SEPTIN7: variants seen among roughly 807,000 people sequenced by gnomAD.
SEPTIN7 encodes septin-7.
Under a neutral mutation model 63.3 loss-of-function variants are expected in SEPTIN7, and 10 were observed. The observed-to-expected ratio is 0.16, with a 90% confidence interval of 0.10 to 0.27. The LOEUF (loss-of-function observed/expected upper bound fraction) is 0.27. SEPTIN7 is among the 10% of genes least tolerant of loss of function. The pLI, the probability that SEPTIN7 is intolerant of heterozygous loss-of-function variation, is 1.00. For synonymous variants in SEPTIN7, 131 were observed against 165.3 expected, an observed-to-expected ratio of 0.79 and a Z score of 1.59; for missense variants, 310 against 521.0, an observed-to-expected ratio of 0.59 and a Z score of 3.94.
intron 5 of SEPTIN7, 118 bp downstream of exon 5, chr7:35,872,884 A>C (rs1786240694): frequency 4.3e-6 from 3 of 690,568 alleles, no homozygotes; most frequent in Admixed American, 4.8e-5. Context: ...AACTTCAAGC[A>C]ACATGACTTG....
chr7:35,801,400 G>A, intron 1 of SEPTIN7, 130 bp downstream of exon 1: 2 of 1,189,180 alleles, frequency 1.7e-6, no homozygotes, highest in Admixed American at 3.8e-5. Flanking sequence ...GAGCCGGGAT[G>A]GGGGCCACTG....
intron 12 of SEPTIN7, 81 bp from the exon 13 acceptor site, chr7:35,902,995 T>C: frequency 6.8e-7 from 1 of 1,463,094 alleles, no homozygotes; most frequent in Non-Finnish European, 9.0e-7. Flanking sequence ...ATACTCCTTA[T>C]CATTAGGGTG....
chr7:35,881,946 C>T (rs548314456), intron 7 of SEPTIN7, among the ~76,000 whole-genome samples: 1 of 152,080 alleles, frequency 6.6e-6, no homozygotes, highest in Non-Finnish European at 1.5e-5. Flanking sequence ...CCTAATCTTA[C>T]ACCTGTTGCT....
chr7:35,857,530 T>C (rs564912842), intron 3 of SEPTIN7, among the ~76,000 whole-genome samples: 3 of 152,314 alleles, frequency 2.0e-5, no homozygotes, highest in African/African-American at 7.2e-5. Flanking sequence ...GGAATTGAAT[T>C]AGAAAGCTTT....
chr7:35,841,846 C>T (rs1396364642), intron 3 of SEPTIN7, among the ~76,000 whole-genome samples: 1 of 152,192 alleles, frequency 6.6e-6, no homozygotes, highest in Non-Finnish European at 1.5e-5. Flanking sequence ...ACTGCTCTTT[C>T]TTTCTCCATA....
At chr7:35,819,409 T>A (rs3905502) in intron 1 of SEPTIN7, among the ~76,000 whole-genome samples, 73,452 of 151,978 alleles carry the variant, frequency 0.48, 19,438 homozygotes, top group African/African-American at 0.71. Context: ...CTTGAGAAGA[T>A]TGTGTTTTGC....
chr7:35,813,596 A>G (rs111742272), intron 1 of SEPTIN7, among the ~76,000 whole-genome samples: 1 of 152,156 alleles, frequency 6.6e-6, no homozygotes, highest in South Asian at 2.1e-4. Flanking sequence ...GCTGGTCTCA[A>G]ACTCCTGAGC....
At chr7:35,804,677 G>A (rs1292105482) in intron 1 of SEPTIN7, among the ~76,000 whole-genome samples, 1 of 152,082 alleles carries the variant, frequency 6.6e-6, no homozygotes, top group Non-Finnish European at 1.5e-5. Context: ...GGTACATTGA[G>A]AAATCATAGA....
At chr7:35,804,835 G>GTTTTTTTTTTTTTT (rs57782019) in intron 1 of SEPTIN7, among the ~76,000 whole-genome samples, 8 of 123,304 alleles carry the variant, frequency 6.5e-5, no homozygotes, top group East Asian at 4.7e-4. Flanking sequence ...TTCTTTTTTT[G>GTTTTTTTTTTTTTT]TTTTTTTTTT....
At chr7:35,882,245 A>G (rs1786924747) in intron 7 of SEPTIN7, among the ~76,000 whole-genome samples, 1 of 151,858 alleles carries the variant, frequency 6.6e-6, no homozygotes, top group South Asian at 2.1e-4. Context: ...TGACAGCTAT[A>G]TGACTTTAAC....
intron 4 of SEPTIN7, among the ~76,000 whole-genome samples, chr7:35,866,459 C>G (rs556017745): frequency 1.7e-4 from 26 of 152,100 alleles, no homozygotes; most frequent in Non-Finnish European, 3.1e-4. Flanking sequence ...TCCTGAGTTT[C>G]AGAAGACAAA....
At chr7:35,826,411 T>A (rs558045798) in intron 1 of SEPTIN7, among the ~76,000 whole-genome samples, 17 of 149,916 alleles carry the variant, frequency 1.1e-4, no homozygotes, top group South Asian at 2.1e-4. Context: ...ATATATATAT[T>A]TTTTAAAATC....
chr7:35,804,820 C>T (rs760208507), intron 1 of SEPTIN7, among the ~76,000 whole-genome samples: 46 of 147,398 alleles, frequency 3.1e-4, no homozygotes, highest in Non-Finnish European at 6.4e-4. Context: ...AAATGGTAAG[C>T]GTGTTTCTTT....
intron 12 of SEPTIN7, chr7:35,902,871 T>G: frequency 3.3e-6 from 2 of 608,072 alleles, no homozygotes; most frequent in Non-Finnish European, 4.9e-6. Flanking sequence ...CCCAAGATTA[T>G]TGTCTTGGGT....
chr7:35,805,345 C>G (rs1433142198), intron 1 of SEPTIN7, among the ~76,000 whole-genome samples: 2 of 152,204 alleles, frequency 1.3e-5, no homozygotes, highest in East Asian at 3.9e-4. Context: ...TACTGCATGA[C>G]TATACTGCAA....
rs1416298763 is a variant in SEPTIN7, at chr7:35,863,577, A to G, written c.195A>G (p.Thr65=). 1.9e-6 allele frequency: 3 copies of G among 1,589,968 alleles called. No homozygotes were observed. The highest frequency in any genetic ancestry group is 2.6e-6 in the Non-Finnish European group (3 of 1,174,838). ...VVGESGLGKS[T]LINSLFLTDL... ...GTGAATCTGGATTGGGAAAGTCGAC[A>G]TTAATCAACTCATTATTCCTCACAG... Residue 65 remains threonine (T), a synonymous_variant, in exon 4 of 14, where the codon ACA becomes ACG. Transcript: ENST00000350320.
Position 35,801,113 on chromosome 7 carries a change from G to T in SEPTIN7, c.-97G>T. The T allele has an allele frequency of 7.9e-6, 8 of 1,007,762 alleles. No homozygotes were observed. The highest frequency in any genetic ancestry group is 1.1e-5 in the Non-Finnish European group (8 of 721,358). 62.4% of individuals were successfully genotyped at this position (1,007,762 alleles called of 1,614,324 possible). A position where few individuals can be genotyped will look rare whatever the true frequency, so the allele number is the denominator to read the frequency against. ...TGCTGTAGCGTGCGTAAGCAAGGCA[G>T]CTACGCCGGGCGGCTACGCTGCGGA... is the stretch of plus-strand genomic sequence containing the variant. On this transcript the variant is annotated 5_prime_UTR_variant, in exon 1 of 14. Transcript: ENST00000350320.
rs188907042 is a variant in SEPTIN7, at chr7:35,906,329, A to C, written c.*2036A>C. ...CCTGAATCTGATACAGGATCTATAT[A>C]ACTTTACTAGGACTTTTGATTGTTG... On this transcript the variant is annotated 3_prime_UTR_variant, in exon 14 of 14. Transcript: ENST00000350320. The C allele has an allele frequency of 6.6e-6, 1 of 152,334 alleles. No individual in the cohort carries two copies. The highest frequency in any genetic ancestry group is 1.5e-5 in the Non-Finnish European group (1 of 68,032). The allele number at this position is 152,334 out of a possible 1,614,324, so 9.4% of individuals were successfully genotyped here.
At chr7:35,810,551 C>T (rs1486893207) in intron 1 of SEPTIN7, among the ~76,000 whole-genome samples, 1 of 152,040 alleles carries the variant, frequency 6.6e-6, no homozygotes. Flanking sequence ...TCTCAATCTC[C>T]TGACCTCATG....
Sources: allele counts gnomAD v4.1 joint callset (sites outside exome capture counted in the v4.1 genomes callset), GRCh38; gene constraint gnomAD v4.1.1; transcripts MANE v1.5; gene names NCBI Gene and HGNC (gene_info 2026-07-23, HGNC 2026-07-21).